The following GABRG3 variants were observed in gnomAD, a reference collection of about 807,000 sequenced individuals.
GABRG3 encodes gamma-aminobutyric acid type A receptor subunit gamma3.
Under a neutral mutation model 48.8 loss-of-function variants are expected in GABRG3, and 25 were observed. The observed-to-expected ratio is 0.51, with a 90% CI of 0.37 to 0.72. The LOEUF is 0.72. Ranked by LOEUF, GABRG3 falls within the 30% of genes least tolerant of loss-of-function variation. The pLI is 0.00. For missense variants in GABRG3, 394 were observed against 577.9 expected (o/e 0.68, Z 3.26); for synonymous variants, 227 against 217.6 (o/e 1.04, Z -0.38).
chr15:27,388,776 A>G (rs1293389536), intron 5 of GABRG3, among the ~76,000 whole-genome samples: 1 of 152,136 alleles, frequency 6.6e-6, no homozygotes, highest in South Asian at 2.1e-4. Flanking sequence ...GAAACAGATC[A>G]ATGCACAAAA....
intron 3 of GABRG3, among the ~76,000 whole-genome samples, chr15:27,096,819 TC>T (rs1897271686): frequency 6.7e-6 from 1 of 149,758 alleles, no homozygotes; most frequent in African/African-American, 2.5e-5. Flanking sequence ...CAAATGAGAT[TC>T]TTTTCTTTTC....
intron 3 of GABRG3, among the ~76,000 whole-genome samples, chr15:27,270,707 T>G (rs1891056334): frequency 6.6e-6 from 1 of 152,096 alleles, no homozygotes; most frequent in Non-Finnish European, 1.5e-5. Context: ...AGTGCGTATT[T>G]CAAGAGTGTT....
intron 3 of GABRG3, among the ~76,000 whole-genome samples, chr15:27,120,979 A>T (rs1186304285): frequency 1.3e-5 from 2 of 152,218 alleles, no homozygotes; most frequent in Non-Finnish European, 2.9e-5. Context: ...TAACAAAGTA[A>T]GTAATCTGAG....
chr15:27,310,086 T>G (rs1437880033), intron 3 of GABRG3, among the ~76,000 whole-genome samples: 1 of 152,114 alleles, frequency 6.6e-6, no homozygotes, highest in Non-Finnish European at 1.5e-5. Flanking sequence ...TAGTATTCCA[T>G]GTATATTCTA....
intron 5 of GABRG3, among the ~76,000 whole-genome samples, chr15:27,468,190 G>A (rs558451394): frequency 8.8e-4 from 134 of 152,332 alleles, no homozygotes; most frequent in African/African-American, 2.9e-3. Context: ...AGAATACAGT[G>A]AAAATACAGA....
chr15:27,083,238 G>C lies in GABRG3; in HGVS notation c.270+56417G>C, dbSNP rs550563519. On this transcript the variant is annotated intron_variant, in intron 3 of 9. Coordinates refer to ENST00000615808, the MANE Select transcript of GABRG3 (RefSeq NM_033223.5). ...CAAATGCTGTAGTAACAAAGGCTAA[G>C]ATCATTTTTTTCCTGACTTTCATTC... Among the ~76,000 whole-genome samples the C allele has an allele frequency of 2.9e-4, 44 of 152,110 alleles. 1 individual carries two copies. The highest frequency in any genetic ancestry group is 9.2e-4 in the African/African-American group (38 of 41,496).
At chr15:27,406,176 T>C (rs987130307) in intron 5 of GABRG3, among the ~76,000 whole-genome samples, 4 of 151,962 alleles carry the variant, frequency 2.6e-5, no homozygotes, top group Non-Finnish European at 5.9e-5. Flanking sequence ...AAATAAAATA[T>C]ACACGAGTCC....
intron 2 of GABRG3, among the ~76,000 whole-genome samples, chr15:27,006,322 C>T (rs1455399751): frequency 2.6e-5 from 4 of 152,124 alleles, no homozygotes; most frequent in African/African-American, 7.2e-5. Context: ...GTGACTCAGC[C>T]TCCCGAGTAG....
chr15:27,513,769 T>G (rs1048387196), intron 6 of GABRG3, among the ~76,000 whole-genome samples: 3 of 152,132 alleles, frequency 2.0e-5, no homozygotes, highest in Non-Finnish European at 4.4e-5. Flanking sequence ...GAGACACATG[T>G]TAATAAAGTT....
intron 3 of GABRG3, among the ~76,000 whole-genome samples, chr15:27,043,127 A>G (rs532693604): frequency 2.0e-5 from 3 of 152,152 alleles, no homozygotes; most frequent in Admixed American, 6.5e-5. Flanking sequence ...GCCCCATTCT[A>G]ATACCCTCCA....
At chr15:27,103,994 C>T (rs1395777566) in intron 3 of GABRG3, among the ~76,000 whole-genome samples, 1 of 152,180 alleles carries the variant, frequency 6.6e-6, no homozygotes, top group Admixed American at 6.5e-5. Context: ...TATTAATGAA[C>T]AAAAGGCTGG....
intron 2 of GABRG3, among the ~76,000 whole-genome samples, chr15:27,002,422 T>C (rs183339112): frequency 7.4e-4 from 112 of 152,334 alleles, no homozygotes; most frequent in African/African-American, 2.5e-3. Flanking sequence ...ATTTTAGCAG[T>C]GGGCTCATGG....
At chr15:27,307,942 CATAT>C (rs1163318336) in intron 3 of GABRG3, among the ~76,000 whole-genome samples, 2 of 129,290 alleles carry the variant, frequency 1.5e-5, no homozygotes, top group Admixed American at 8.0e-5. Context: ...TGTATATAAA[CATAT>C]ATGTAAAATA....
chr15:27,285,548 T>C (rs557377932), intron 3 of GABRG3, among the ~76,000 whole-genome samples: 1 of 152,294 alleles, frequency 6.6e-6, no homozygotes, highest in South Asian at 2.1e-4. Context: ...TCAATAAAAG[T>C]TATAACAAAT....
chr15:27,502,512 T>C (rs1890665387), intron 6 of GABRG3, among the ~76,000 whole-genome samples: 1 of 152,152 alleles, frequency 6.6e-6, no homozygotes, highest in Non-Finnish European at 1.5e-5. Context: ...CAATCAGTTC[T>C]GCAGGGGACA....
chr15:27,415,273 T>C (rs1156701447), intron 5 of GABRG3, among the ~76,000 whole-genome samples: 1 of 152,142 alleles, frequency 6.6e-6, no homozygotes, highest in Non-Finnish European at 1.5e-5. Context: ...TCTATTTCTA[T>C]CTCCTCAAGC....
At chr15:27,363,226 T>C (rs1328010320) in intron 5 of GABRG3, 2 of 152,074 alleles carry the variant, frequency 1.3e-5, no homozygotes, top group Non-Finnish European at 2.9e-5. Flanking sequence ...GCAGGTGAAA[T>C]AAGCAGGAAT....
intron 3 of GABRG3, among the ~76,000 whole-genome samples, chr15:27,274,745 A>C (rs953099017): frequency 2.6e-5 from 4 of 152,156 alleles, no homozygotes; most frequent in African/African-American, 9.7e-5. Flanking sequence ...TACTTATATA[A>C]CACAGACATT....
chr15:27,006,675 G>A (rs1895590881), intron 2 of GABRG3, among the ~76,000 whole-genome samples: 1 of 152,026 alleles, frequency 6.6e-6, no homozygotes, highest in African/African-American at 2.4e-5. Context: ...CTTTCAAATA[G>A]GCCTGGTGTC....
Sources: gnomAD v4.1 joint callset for allele counts (sites outside exome capture counted in the v4.1 genomes callset) on GRCh38, gnomAD v4.1.1 for gene constraint, MANE v1.5 for transcripts, NCBI Gene and HGNC (gene_info 2026-07-23, HGNC 2026-07-21) for gene names.